Variants in CACNA2D1 observed in about 807,000 individuals in gnomAD.
The protein encoded by CACNA2D1 is voltage-dependent calcium channel subunit alpha-2/delta-1.
In CACNA2D1, 53 loss-of-function variants were observed where a neutral mutation model predicts 171.5. That is an observed-to-expected ratio of 0.31 (90% CI 0.25 to 0.39). The LOEUF (loss-of-function observed/expected upper bound fraction) is 0.39, where lower values mean the gene tolerates loss of function less well. Ranked by LOEUF, CACNA2D1 falls within the 10% of genes least tolerant of loss-of-function variation. CACNA2D1 has a pLI of 1.00. For missense variants in CACNA2D1, 903 were observed against 1,299.8 expected (o/e 0.69, Z 4.69); for synonymous variants, 442 against 443.1 (o/e 1.00, Z 0.03).
At chr7:82,184,995 A>G (rs1797515205) in intron 3 of CACNA2D1, among the ~76,000 whole-genome samples, 1 of 152,194 alleles carries the variant, frequency 6.6e-6, no homozygotes, top group African/African-American at 2.4e-5. Flanking sequence ...CACCAGCTAA[A>G]TGGTGGACCA....
At chr7:82,020,709 T>C (rs2131018033) in intron 12 of CACNA2D1, 1 of 152,236 alleles carries the variant, frequency 6.6e-6, no homozygotes, top group South Asian at 2.1e-4. Flanking sequence ...TTTATCATAC[T>C]TAGCAACAAA....
chr7:81,959,623 C>A (rs1480249669), intron 37 of CACNA2D1, 97 bp downstream of exon 37: 3 of 1,317,084 alleles, frequency 2.3e-6, no homozygotes, highest in Non-Finnish European at 3.2e-6. Flanking sequence ...TCAGAGCAGT[C>A]TAATAGTTTT....
chr7:82,147,456 A>G (rs1793275834), intron 4 of CACNA2D1, among the ~76,000 whole-genome samples: 1 of 152,184 alleles, frequency 6.6e-6, no homozygotes, highest in South Asian at 2.1e-4. Flanking sequence ...ACACATTCAT[A>G]ATGCTGTGGA....
intron 3 of CACNA2D1, among the ~76,000 whole-genome samples, chr7:82,259,106 C>T (rs921740695): frequency 1.3e-5 from 2 of 151,992 alleles, no homozygotes; most frequent in Non-Finnish European, 2.9e-5. Context: ...GAATTACAGG[C>T]GTGAGCCACC....
In CACNA2D1 at chr7:81,964,378, A is replaced by C; in HGVS notation, c.2575-19T>G. ...TTCCAATCTGGTGAAGAAAAAAATC[A>C]TAAAGCAACGTGCACTTAAAATGTA... On this transcript the variant is annotated intron_variant, in intron 32 of 38. Coordinates refer to ENST00000356860, the MANE Select transcript of CACNA2D1 (RefSeq NM_000722.4). 1 of 1,608,428 alleles carries C rather than the reference A, an allele frequency of 6.2e-7. No homozygotes were observed. Among genetic ancestry groups the C allele is most frequent in the Non-Finnish European group, 8.5e-7 (1 of 1,176,548 alleles).
intron 1 of CACNA2D1, among the ~76,000 whole-genome samples, chr7:82,370,805 G>A (rs772780672): frequency 6.6e-6 from 1 of 151,966 alleles, no homozygotes; most frequent in Non-Finnish European, 1.5e-5. Flanking sequence ...CCATCTATGG[G>A]AACTCCTTAA....
rs1339733462 is a variant in CACNA2D1, at chr7:82,238,471, T to G, written c.295-67862A>C. ...AAGACATATATACGGCCAACAATCA[T>G]ATGAAAAAAAGTCCAAAATCACTAA... On this transcript the variant is annotated intron_variant, in intron 3 of 38. Transcript: ENST00000356860. 3.9e-5 allele frequency among the ~76,000 whole-genome samples: 6 copies of G among 151,930 alleles called. No individual in the cohort carries two copies. In the East Asian group the frequency reaches 1.2e-3, roughly 29 times the overall value.
intron 1 of CACNA2D1, among the ~76,000 whole-genome samples, chr7:82,398,480 C>T (rs1030246770): frequency 2.0e-5 from 3 of 152,130 alleles, no homozygotes; most frequent in African/African-American, 2.4e-5. Flanking sequence ...AATTGAAATG[C>T]TGTTGTTACA....
chr7:82,306,567 T>C (rs1390515301), intron 3 of CACNA2D1, among the ~76,000 whole-genome samples: 1 of 152,190 alleles, frequency 6.6e-6, no homozygotes, highest in African/African-American at 2.4e-5. Context: ...CCCACAAATT[T>C]CTGAGAGACT....
chr7:82,079,762 G>C (rs1809471977), intron 7 of CACNA2D1, among the ~76,000 whole-genome samples: 1 of 151,738 alleles, frequency 6.6e-6, no homozygotes, highest in African/African-American at 2.4e-5. Flanking sequence ...AGACTGGGTT[G>C]GTTACAAGGG....
intron 11 of CACNA2D1, 93 bp downstream of exon 11, chr7:82,037,984 T>C: frequency 8.0e-7 from 1 of 1,244,052 alleles, no homozygotes; most frequent in Non-Finnish European, 1.2e-6. Flanking sequence ...AACAGCACTA[T>C]CTAATCCCAG....
intron 3 of CACNA2D1, among the ~76,000 whole-genome samples, chr7:82,279,910 T>G (rs2129370955): frequency 6.6e-6 from 1 of 152,280 alleles, no homozygotes; most frequent in Non-Finnish European, 1.5e-5. Context: ...CAATCTGGTC[T>G]CTCTGTTCAC....
At chr7:81,993,813 C>CA (rs910469776) in intron 20 of CACNA2D1, among the ~76,000 whole-genome samples, 5 of 151,396 alleles carry the variant, frequency 3.3e-5, no homozygotes, top group Non-Finnish European at 5.9e-5. Context: ...GAATATTTGT[C>CA]AAAAAAAGTA....
intron 3 of CACNA2D1, among the ~76,000 whole-genome samples, chr7:82,300,274 A>T (rs1812836452): frequency 6.6e-6 from 1 of 152,134 alleles, no homozygotes; most frequent in Non-Finnish European, 1.5e-5. Context: ...CTGTGGACTG[A>T]AGCATTGTAA....
At chr7:82,187,449 A>G (rs1426359561) in intron 3 of CACNA2D1, among the ~76,000 whole-genome samples, 2 of 152,206 alleles carry the variant, frequency 1.3e-5, no homozygotes, top group Non-Finnish European at 2.9e-5. Flanking sequence ...GACAATGTAC[A>G]ATAGTATTTA....
intron 3 of CACNA2D1, among the ~76,000 whole-genome samples, chr7:82,210,648 T>C (rs1040543132): frequency 3.3e-5 from 5 of 152,170 alleles, no homozygotes; most frequent in African/African-American, 1.2e-4. Flanking sequence ...TGCAGAAGTG[T>C]CTGTTAGTTC....
At position 82,066,391 on chromosome 7, in the gene CACNA2D1, C is replaced by A. The variant is rs1807603491; in HGVS notation, c.728+64G>T. 21 of 1,585,122 alleles carry A rather than the reference C, an allele frequency of 1.3e-5. No homozygotes were observed. In the South Asian group the frequency reaches 2.4e-4, roughly 18 times the overall value. On this transcript the variant is annotated intron_variant, in intron 8 of 38. Coordinates refer to ENST00000356860, the MANE Select transcript of CACNA2D1 (RefSeq NM_000722.4). ...TCATCCTAATAATAAAAAATTCTGA[C>A]TTTTTAGCAAATATATATCTTCTTG...
At chr7:82,387,203 T>A (rs938638152) in intron 1 of CACNA2D1, among the ~76,000 whole-genome samples, 20 of 152,242 alleles carry the variant, frequency 1.3e-4, no homozygotes, top group African/African-American at 2.2e-4. Flanking sequence ...CCAAGCATTT[T>A]AAAAAAATAA....
chr7:82,312,770 G>C (rs1200134227), intron 3 of CACNA2D1, among the ~76,000 whole-genome samples: 1 of 151,600 alleles, frequency 6.6e-6, no homozygotes, highest in African/African-American at 2.4e-5. Context: ...CTTAACTCAA[G>C]TGATCCACCA....
Sources: allele counts gnomAD v4.1 joint callset (sites outside exome capture counted in the v4.1 genomes callset), GRCh38; gene constraint gnomAD v4.1.1; transcripts MANE v1.5; gene names NCBI Gene and HGNC (gene_info 2026-07-23, HGNC 2026-07-21).